CPED1: variants seen among roughly 807,000 people sequenced by gnomAD.
The protein encoded by CPED1 is cadherin like and PC-esterase domain containing 1.
CPED1 carries 114 observed loss-of-function variants against 128.2 expected under a neutral mutation model. The ratio of observed to expected loss-of-function variants is 0.89; its 90% CI spans 0.76 to 1.04. CPED1 has a LOEUF of 1.04. Among genes scored for constraint, CPED1 ranks in the 50% least tolerant of loss-of-function variants. CPED1 has a pLI of 0.00. For missense variants in CPED1, 1,211 were observed against 1,207.1 expected, an observed-to-expected ratio of 1.00 and a Z score of -0.05; for synonymous variants, 462 against 426.7, an observed-to-expected ratio of 1.08 and a Z score of -1.02.
chr7:121,089,518 G>A (rs193152860), intron 5 of CPED1, among the ~76,000 whole-genome samples: 19 of 152,214 alleles, frequency 1.2e-4, no homozygotes, highest in African/African-American at 4.3e-4. Context: ...GACCCCTAGT[G>A]TTTGTGTGTT....
intron 7 of CPED1, among the ~76,000 whole-genome samples, chr7:121,105,020 G>A (rs541480242): frequency 6.6e-6 from 1 of 152,182 alleles, no homozygotes; most frequent in African/African-American, 2.4e-5. Flanking sequence ...AGTCAGATTT[G>A]TAAGTTCTAA....
intron 16 of CPED1, among the ~76,000 whole-genome samples, chr7:121,194,048 A>ATATATATAT (rs1396095392): frequency 2.1e-5 from 1 of 47,456 alleles, no homozygotes; most frequent in African/African-American, 8.2e-5. Context: ...ATATATATAT[A>ATATATATAT]TTTTTTTTTT....
At chr7:121,188,820 T>C (rs1337041992) in intron 16 of CPED1, among the ~76,000 whole-genome samples, 2 of 152,074 alleles carry the variant, frequency 1.3e-5, no homozygotes, top group Non-Finnish European at 2.9e-5. Flanking sequence ...TCAAGTGTGA[T>C]TGAGGCTCAG....
At position 121,114,512 on chromosome 7, in the gene CPED1, C is replaced by T. The variant is rs116742147; in HGVS notation, c.919-9819C>T. Among the ~76,000 whole-genome samples, 730 of 152,268 alleles carry T rather than the reference C, an allele frequency of 4.8e-3. 5 individuals carry two copies. Among genetic ancestry groups the T allele is most frequent in the African/African-American group, 0.017 (687 of 41,542 alleles). On this transcript the variant is annotated intron_variant, in intron 7 of 22. Transcript: ENST00000310396. ...TATTTATAACATCATCAATATAGGA[C>T]AATTGAGTTAAAACATTTCAGATGA...
At chr7:121,274,363 A>G (rs972069824) in intron 22 of CPED1, among the ~76,000 whole-genome samples, 1 of 152,154 alleles carries the variant, frequency 6.6e-6, no homozygotes, top group Non-Finnish European at 1.5e-5. Flanking sequence ...ATGTTCAGGT[A>G]AAATCATTTA....
rs111858221 is a variant in CPED1 at position 121,005,098 on chromosome 7, C to T, written c.250-10567C>T. On this transcript the variant is annotated intron_variant, in intron 2 of 22. Transcript: ENST00000310396. ...GTATCCTACATGTAATTTGACAGAA[C>T]GCTTATGAAACAATATGATTAAATT... Among the ~76,000 whole-genome samples the T allele has an allele frequency of 3.2e-3, 488 of 152,216 alleles. 2 individuals are homozygous for T. The highest frequency in any genetic ancestry group is 0.011 in the African/African-American group (455 of 41,536).
intron 6 of CPED1, among the ~76,000 whole-genome samples, chr7:121,098,063 A>G (rs1178852478): frequency 1.3e-5 from 2 of 152,200 alleles, no homozygotes; most frequent in African/African-American, 4.8e-5. Flanking sequence ...ACTCTTATCT[A>G]ATAAGTTACA....
intron 16 of CPED1, 119 bp from the exon 17 acceptor site, chr7:121,236,595 A>T (rs1274972573): frequency 2.0e-6 from 1 of 510,932 alleles, no homozygotes; most frequent in African/African-American, 2.0e-5. Context: ...AAAGATAAGG[A>T]ATATTTGCTC....
chr7:121,156,501 G>C (rs558315064), intron 16 of CPED1, among the ~76,000 whole-genome samples: 1 of 152,192 alleles, frequency 6.6e-6, no homozygotes, highest in Non-Finnish European at 1.5e-5. Flanking sequence ...ATATTATTCA[G>C]CCATAAAAAA....
At position 121,081,552 on chromosome 7, in the gene CPED1, C is replaced by T. The variant is rs183377360; in HGVS notation, c.617-16147C>T. 9.4e-4 allele frequency among the ~76,000 whole-genome samples: 143 copies of T among 152,218 alleles called. 1 individual carries two copies. The highest frequency in any genetic ancestry group is 2.8e-4 in the Non-Finnish European group (19 of 68,000). On this transcript the variant is annotated intron_variant, in intron 5 of 22. Transcript: ENST00000310396. The stretch of plus-strand genomic sequence containing the variant: ...ATATGGAACTTTCTCTTTTCTTCTG[C>T]GTCACTTTCATTAACATCATAGGGT...
intron 2 of CPED1, chr7:120,993,880 T>C: frequency 8.6e-6 from 2 of 232,632 alleles, no homozygotes; most frequent in Non-Finnish European, 1.8e-5. Context: ...TTGATTGGAG[T>C]CCCTCTCATG....
intron 14 of CPED1, among the ~76,000 whole-genome samples, chr7:121,138,266 A>G (rs1459327257): frequency 1.3e-4 from 20 of 152,040 alleles, no homozygotes; most frequent in Admixed American, 1.3e-3. Context: ...AACTTCAAAC[A>G]GCTTTCCCAT....
rs1792122158 is a variant in CPED1, at chr7:121,266,347, G to A, written c.2431G>A (p.Gly811Ser). The A allele has an allele frequency of 6.2e-6, 10 of 1,613,004 alleles. No homozygotes were observed. The highest frequency in any genetic ancestry group is 8.5e-6 in the Non-Finnish European group (10 of 1,179,412). ...CACTAAATTCTATCACAACGTCAAT[G>A]GTGGGAAGACTTTGATCAGTTATTC... ...HGTKFYHNVN[G>S]GKTLISYSYY... The change falls in exon 19 of 23, where the codon GGT becomes AGT. Residue 811 changes from glycine (G) to serine (S), a missense_variant. Transcript: ENST00000310396.
intron 11 of CPED1, among the ~76,000 whole-genome samples, chr7:121,129,401 T>C (rs1278381512): frequency 2.0e-5 from 3 of 149,054 alleles, no homozygotes; most frequent in African/African-American, 7.3e-5. Context: ...AGTTAATTAA[T>C]GAGTGTTTGA....
intron 16 of CPED1, among the ~76,000 whole-genome samples, chr7:121,164,503 GAC>G (rs917538068): frequency 6.6e-6 from 1 of 152,142 alleles, no homozygotes; most frequent in African/African-American, 2.4e-5. Flanking sequence ...TTAAAACACA[GAC>G]TGCTGGCTTA....
Position 121,173,565 on chromosome 7 carries a change from T to C in CPED1, c.2055+31424T>C, listed in dbSNP as rs536831240. 2.4e-4 allele frequency among the ~76,000 whole-genome samples: 37 copies of C among 152,258 alleles called. No individual in the cohort carries two copies. In the South Asian group the frequency reaches 7.2e-3, roughly 30 times the overall value. On this transcript the variant is annotated intron_variant, in intron 16 of 22. Coordinates refer to ENST00000310396, the MANE Select transcript of CPED1 (RefSeq NM_024913.5). Reference sequence around the variant, plus strand: ...ATGCATGTTCCTACAAAAGATATGATCTCATTCTTTTTATGGCTGAATAGT... The same window carrying C: ...ATGCATGTTCCTACAAAAGATATGACCTCATTCTTTTTATGGCTGAATAGT...
At chr7:121,177,396 A>G (rs1796806439) in intron 16 of CPED1, among the ~76,000 whole-genome samples, 1 of 152,044 alleles carries the variant, frequency 6.6e-6, no homozygotes, top group East Asian at 1.9e-4. Context: ...ATCCGACTTT[A>G]CAAGCTGTAT....
chr7:121,035,656 A>G (rs1056432344), intron 3 of CPED1, among the ~76,000 whole-genome samples: 2 of 152,014 alleles, frequency 1.3e-5, no homozygotes, highest in Admixed American at 1.3e-4. Flanking sequence ...CAACAGAGTG[A>G]GACCCCTGTC....
chr7:121,127,555 A>G (rs1322347252), intron 10 of CPED1, among the ~76,000 whole-genome samples: 8 of 100,368 alleles, frequency 8.0e-5, no homozygotes, highest in African/African-American at 1.2e-4. Flanking sequence ...TTTTTTTTTG[A>G]GACAGAGTCT....
Sources: gnomAD v4.1 joint callset for allele counts (sites outside exome capture counted in the v4.1 genomes callset) on GRCh38, gnomAD v4.1.1 for gene constraint, MANE v1.5 for transcripts, NCBI Gene and HGNC (gene_info 2026-07-23, HGNC 2026-07-21) for gene names.